Variants in CNTNAP2 observed in about 807,000 individuals in gnomAD.
CNTNAP2 encodes the protein contactin-associated protein-like 2.
Under a neutral mutation model 155.2 loss-of-function variants are expected in CNTNAP2, and 98 were observed. That is an observed-to-expected ratio of 0.63 (90% confidence interval 0.54 to 0.75). The LOEUF is 0.75. Among genes scored for constraint, CNTNAP2 ranks in the 30% least tolerant of loss-of-function variants. The probability of loss-of-function intolerance (pLI) is 0.00; values close to 1 mark genes in which losing one functional copy is unlikely to be tolerated. For missense variants in CNTNAP2, 1,727 were observed against 1,688.1 expected, an observed-to-expected ratio of 1.02 and a Z score of -0.40; for synonymous variants, 651 against 631.2, an observed-to-expected ratio of 1.03 and a Z score of -0.47.
intron 9 of CNTNAP2, among the ~76,000 whole-genome samples, chr7:147,331,345 A>G (rs1324068510): frequency 6.6e-6 from 1 of 152,202 alleles, no homozygotes; most frequent in Non-Finnish European, 1.5e-5. Context: ...AGAAGGATGC[A>G]AACATTTGGA....
intron 15 of CNTNAP2, 135 bp downstream of exon 15, chr7:147,978,124 G>A: frequency 8.0e-7 from 1 of 1,256,462 alleles, no homozygotes; most frequent in Non-Finnish European, 1.1e-6. Context: ...CCCAAGCAGA[G>A]ATAACTTAGA....
intron 3 of CNTNAP2, among the ~76,000 whole-genome samples, chr7:146,945,716 A>G (rs1330682542): frequency 6.6e-6 from 1 of 152,144 alleles, no homozygotes; most frequent in African/African-American, 2.4e-5. Context: ...TCTACAATTT[A>G]CTGCATTCAG....
intron 8 of CNTNAP2, among the ~76,000 whole-genome samples, chr7:147,267,955 G>T (rs537128875): frequency 6.6e-6 from 1 of 152,234 alleles, no homozygotes; most frequent in East Asian, 1.9e-4. Flanking sequence ...TCACAGAATG[G>T]TGTTTGTGGT....
intron 1 of CNTNAP2, among the ~76,000 whole-genome samples, chr7:146,444,631 A>G (rs1046614387): frequency 1.3e-5 from 2 of 151,064 alleles, no homozygotes; most frequent in African/African-American, 2.4e-5. Context: ...CCAAGAGCAC[A>G]TGCTTCATAA....
intron 14 of CNTNAP2, among the ~76,000 whole-genome samples, chr7:147,959,733 T>C (rs1436657813): frequency 1.2e-4 from 18 of 152,138 alleles, no homozygotes; most frequent in Admixed American, 5.2e-4. Flanking sequence ...GCCATGGCGA[T>C]GGTAAACTGA....
At chr7:147,550,087 T>A (rs903921244) in intron 11 of CNTNAP2, among the ~76,000 whole-genome samples, 1 of 152,234 alleles carries the variant, frequency 6.6e-6, no homozygotes, top group Admixed American at 6.5e-5. Context: ...AATATGACTT[T>A]ATTCTTCCAC....
chr7:147,793,995 T>C (rs984715878), intron 13 of CNTNAP2, among the ~76,000 whole-genome samples: 1 of 151,970 alleles, frequency 6.6e-6, no homozygotes, highest in Admixed American at 6.5e-5. Flanking sequence ...TAAAATTGGT[T>C]ATTCTATATG....
intron 13 of CNTNAP2, among the ~76,000 whole-genome samples, chr7:147,888,172 C>G (rs552962589): frequency 6.6e-6 from 1 of 151,588 alleles, no homozygotes; most frequent in African/African-American, 2.4e-5. Flanking sequence ...ATTTTCAGTC[C>G]TACAGAATCT....
chr7:146,589,264 T>G (rs180866), intron 1 of CNTNAP2, among the ~76,000 whole-genome samples: 4,587 of 152,276 alleles, frequency 0.03, 250 homozygotes, highest in African/African-American at 0.1. Context: ...AAACACTCAC[T>G]GCTATAAAAA....
chr7:146,486,286 G>T (rs563202456), intron 1 of CNTNAP2, among the ~76,000 whole-genome samples: 171 of 151,738 alleles, frequency 1.1e-3, no homozygotes, highest in African/African-American at 3.9e-3. Flanking sequence ...GGATGGTCTC[G>T]ATCTCCTGAC....
intron 10 of CNTNAP2, among the ~76,000 whole-genome samples, chr7:147,402,581 T>C (rs1796936103): frequency 6.6e-6 from 1 of 152,220 alleles, no homozygotes; most frequent in South Asian, 2.1e-4. Context: ...CTAGGTCTTC[T>C]TTCTCCTAAT....
chr7:148,049,404 T>C (rs1802841309), intron 15 of CNTNAP2, among the ~76,000 whole-genome samples: 1 of 151,774 alleles, frequency 6.6e-6, no homozygotes, highest in Non-Finnish European at 1.5e-5. Context: ...GAAAGAATTC[T>C]AGATATACAC....
chr7:147,662,991 G>T (rs527918978), intron 13 of CNTNAP2, among the ~76,000 whole-genome samples: 133 of 137,776 alleles, frequency 9.7e-4, no homozygotes, highest in African/African-American at 4.6e-3. Context: ...TTTCTGGTTT[G>T]TTTGTTTGTT....
chr7:146,642,265 A>G (rs1285786983), intron 1 of CNTNAP2, among the ~76,000 whole-genome samples: 7 of 150,058 alleles, frequency 4.7e-5, no homozygotes, highest in African/African-American at 1.5e-4. Context: ...CCATTAACTC[A>G]TCATTTAGCA....
At chr7:147,489,153 C>T (rs1406956645) in intron 11 of CNTNAP2, among the ~76,000 whole-genome samples, 2 of 152,178 alleles carry the variant, frequency 1.3e-5, no homozygotes, top group Non-Finnish European at 2.9e-5. Flanking sequence ...GAAGAGTATG[C>T]CTCCTAAACC....
chr7:146,131,634 A>G (rs532380981), intron 1 of CNTNAP2, among the ~76,000 whole-genome samples: 55 of 152,320 alleles, frequency 3.6e-4, no homozygotes, highest in African/African-American at 1.3e-3. Context: ...ATAATTTGTA[A>G]ACTTTCAGCA....
chr7:148,315,102 G>C (rs935202368), intron 21 of CNTNAP2, among the ~76,000 whole-genome samples: 1 of 152,162 alleles, frequency 6.6e-6, no homozygotes, highest in African/African-American at 2.4e-5. Context: ...GTTGGTCTGA[G>C]GACCAGAGGT....
At chr7:147,331,373 T>C (rs1023022151) in intron 9 of CNTNAP2, among the ~76,000 whole-genome samples, 10 of 152,160 alleles carry the variant, frequency 6.6e-5, no homozygotes, top group Admixed American at 5.9e-4. Flanking sequence ...ATAAATTCTA[T>C]TATAAATGTC....
At chr7:146,153,292 A>G (rs1293729629) in intron 1 of CNTNAP2, among the ~76,000 whole-genome samples, 1 of 152,192 alleles carries the variant, frequency 6.6e-6, no homozygotes, top group African/African-American at 2.4e-5. Flanking sequence ...CGTTCCAACC[A>G]GAGCTATGTT....
Sources: allele counts gnomAD v4.1 joint callset (sites outside exome capture counted in the v4.1 genomes callset), GRCh38; gene constraint gnomAD v4.1.1; transcripts MANE v1.5; gene names NCBI Gene and HGNC (gene_info 2026-07-23, HGNC 2026-07-21).